The following ALG8 variants were observed in gnomAD, a reference collection of about 807,000 sequenced individuals.
ALG8 encodes the protein ALG8 alpha-1,3-glucosyltransferase, also known as dolichyl pyrophosphate Glc1Man9GlcNAc2 alpha-1,3-glucosyltransferase.
Under a neutral mutation model 70.2 loss-of-function variants are expected in ALG8, and 48 were observed. The ratio of observed to expected loss-of-function variants is 0.68; its 90% confidence interval spans 0.54 to 0.87. The LOEUF is 0.87. ALG8 is among the 40% of genes least tolerant of loss of function. ALG8 has a pLI of 0.00. For missense variants in ALG8, 572 were observed against 608.7 expected, an observed-to-expected ratio of 0.94 and a Z score of 0.64; for synonymous variants, 234 against 229.0, an observed-to-expected ratio of 1.02 and a Z score of -0.20.
intron 5 of ALG8, 114 bp downstream of exon 5, chr11:78,119,068 A>G (rs1311558378): frequency 1.3e-6 from 1 of 768,830 alleles, no homozygotes; most frequent in Non-Finnish European, 2.2e-6. Context: ...TGTCTATCGC[A>G]CTTGGCAGCT....
chr11:78,133,794 C>T (rs1861417804), intron 1 of ALG8, among the ~76,000 whole-genome samples: 1 of 151,590 alleles, frequency 6.6e-6, no homozygotes, highest in South Asian at 2.1e-4. Context: ...GTCAGCTACT[C>T]GGTAGGCTGA....
chr11:78,127,521 T>A, intron 1 of ALG8, 85 bp from the exon 2 acceptor site: 7 of 1,172,736 alleles, frequency 6.0e-6, no homozygotes, highest in Non-Finnish European at 8.7e-6. Context: ...TTAAATGGAC[T>A]GACATTCCCT....
At chr11:78,129,697 A>G (rs906908712) in intron 1 of ALG8, among the ~76,000 whole-genome samples, 1 of 152,154 alleles carries the variant, frequency 6.6e-6, no homozygotes, top group African/African-American at 2.4e-5. Flanking sequence ...GAGGCTACAT[A>G]ATGTGATGTC....
chr11:78,117,803 G>A (rs1302847079), intron 5 of ALG8, among the ~76,000 whole-genome samples: 3 of 148,412 alleles, frequency 2.0e-5, no homozygotes, highest in Admixed American at 6.7e-5. Context: ...GACCGGGAGC[G>A]GTGGCTCACG....
intron 5 of ALG8, among the ~76,000 whole-genome samples, chr11:78,118,507 T>C (rs1860677800): frequency 6.6e-6 from 1 of 151,030 alleles, no homozygotes; most frequent in Admixed American, 6.6e-5. Context: ...TCCCAGCTAC[T>C]TGGGAGGCTG....
chr11:78,123,291 A>C (rs1427886077), intron 3 of ALG8, among the ~76,000 whole-genome samples: 1 of 141,318 alleles, frequency 7.1e-6, no homozygotes, highest in African/African-American at 2.6e-5. Flanking sequence ...CGACAGAGCA[A>C]GATTCCATCT....
At chr11:78,129,895 A>T (rs1283892712) in intron 1 of ALG8, among the ~76,000 whole-genome samples, 1 of 152,166 alleles carries the variant, frequency 6.6e-6, no homozygotes, top group Non-Finnish European at 1.5e-5. Flanking sequence ...AGTGATAAGA[A>T]TGAAAAAACA....
chr11:78,127,989 A>C (rs949134810), intron 1 of ALG8, among the ~76,000 whole-genome samples: 20 of 152,270 alleles, frequency 1.3e-4, no homozygotes, highest in African/African-American at 4.3e-4. Flanking sequence ...GGCGTGAGCC[A>C]CCACGCCCGG....
chr11:78,124,635 A>G (rs1860984300), intron 2 of ALG8, among the ~76,000 whole-genome samples: 1 of 152,230 alleles, frequency 6.6e-6, no homozygotes, highest in Non-Finnish European at 1.5e-5. Flanking sequence ...AAACCTGGAG[A>G]TGATAAACTT....
Position 78,132,833 on chromosome 11 carries a change from A to ATTTTTTTTT in ALG8, c.96-5406_96-5398dup, listed in dbSNP as rs55934753. Among the ~76,000 whole-genome samples the ATTTTTTTTT allele has an allele frequency of 4.4e-3, 504 of 113,896 alleles. 6 individuals carry two copies. Among genetic ancestry groups the ATTTTTTTTT allele is most frequent in the Middle Eastern group, 0.019 (4 of 208 alleles). 74.7% of individuals were successfully genotyped at this position (113,896 alleles called of 152,430 possible). ...GATAGGATCCTGTTCTTCTTCTTCC[A>ATTTTTTTTT]TTTTTTTTTTTTTTTTTTTTTTAGA... On this transcript the variant is annotated intron_variant, in intron 1 of 12. Transcript: ENST00000299626.
At chr11:78,114,708 G>A (rs1860479115) in intron 5 of ALG8, 4 of 433,178 alleles carry the variant, frequency 9.2e-6, no homozygotes, top group African/African-American at 2.0e-5. Flanking sequence ...ACTCACACCT[G>A]CAATCCCAGC....
chr11:78,124,197 C>T lies in ALG8; in HGVS notation c.192G>A (p.Thr64=), dbSNP rs368390661. ...ATGCAAAGAAAGGGGGGTAATCCAA[C>T]GTCCACTCTGAAGTTGCCTGTGATA... ...QWYYEATSEW[T]LDYPPFFAWF... Residue 64 remains threonine, a synonymous_variant, in exon 3 of 13, where the codon ACG becomes ACA. Transcript: ENST00000299626. 18 of 1,614,134 alleles carry T rather than the reference C, an allele frequency of 1.1e-5. No individual in the cohort carries two copies. The highest frequency in any genetic ancestry group is 6.7e-5 in the East Asian group (3 of 44,870).
At chr11:78,109,290 A>G in intron 9 of ALG8, 152 bp downstream of exon 9, 1 of 1,045,792 alleles carries the variant, frequency 9.6e-7, no homozygotes, top group Non-Finnish European at 1.4e-6. Flanking sequence ...AGTTACTCTA[A>G]GAATTGCTAG....
At chr11:78,134,351 G>C (rs1016985636) in intron 1 of ALG8, among the ~76,000 whole-genome samples, 3 of 151,942 alleles carry the variant, frequency 2.0e-5, no homozygotes, top group African/African-American at 7.3e-5. Context: ...TTGGCCAGGC[G>C]GGTCTTGAAC....
At chr11:78,114,212 C>G (rs941211985) in intron 6 of ALG8, 54 bp downstream of exon 6, 1 of 1,610,186 alleles carries the variant, frequency 6.2e-7, no homozygotes, top group African/African-American at 1.3e-5. Context: ...GCCACCAAGT[C>G]AACACAGTAA....
In ALG8 at chr11:78,108,441, A is replaced by T. The variant is rs1196948279; in HGVS notation, c.1038+1001T>A. 2.6e-5 allele frequency among the ~76,000 whole-genome samples: 4 copies of T among 152,196 alleles called. No homozygotes were observed. In the East Asian group the frequency reaches 5.8e-4, roughly 22 times the overall value. On this transcript the variant is annotated intron_variant, in intron 9 of 12. Coordinates refer to ENST00000299626, the MANE Select transcript of ALG8 (RefSeq NM_024079.5). The stretch of plus-strand genomic sequence containing the variant: ...TGAGACTCTGTCTCAAAAAAAAAAG[A>T]AATTAATTATACTATCAAAATTAAT...
At chr11:78,124,813 C>T (rs1043246217) in intron 2 of ALG8, among the ~76,000 whole-genome samples, 1 of 151,946 alleles carries the variant, frequency 6.6e-6, no homozygotes, top group Non-Finnish European at 1.5e-5. Flanking sequence ...TACACAAATG[C>T]TATTATATTT....
chr11:78,139,332 T>G (rs1368489610), intron 1 of ALG8, 162 bp downstream of exon 1: 1 of 732,304 alleles, frequency 1.4e-6, no homozygotes, highest in Non-Finnish European at 2.3e-6. Flanking sequence ...TGGGGCTAAG[T>G]CAAGTAACAA....
At chr11:78,109,897 T>C (rs933073869) in intron 8 of ALG8, among the ~76,000 whole-genome samples, 1 of 152,220 alleles carries the variant, frequency 6.6e-6, no homozygotes, top group Non-Finnish European at 1.5e-5. Context: ...GAGCATGTCA[T>C]GAAGGAACTT....
Sources: allele counts gnomAD v4.1 joint callset (sites outside exome capture counted in the v4.1 genomes callset), GRCh38; gene constraint gnomAD v4.1.1; transcripts MANE v1.5; gene names NCBI Gene and HGNC (gene_info 2026-07-23, HGNC 2026-07-21).